Variants in PAPSS2 observed in about 807,000 individuals in gnomAD.
PAPSS2 encodes the protein bifunctional 3'-phosphoadenosine 5'-phosphosulfate synthase 2.
A neutral mutation model predicts 66.5 loss-of-function variants in PAPSS2; 61 were observed. The observed-to-expected ratio is 0.92, with a 90% CI of 0.75 to 1.14. PAPSS2 has a LOEUF of 1.14. Ranked by LOEUF, PAPSS2 falls within the 50% of genes most tolerant of loss-of-function variation. PAPSS2 has a pLI of 0.00. For synonymous variants in PAPSS2, 289 were observed against 287.5 expected, an observed-to-expected ratio of 1.01 and a Z score of -0.05; for missense variants, 708 against 789.6, an observed-to-expected ratio of 0.90 and a Z score of 1.24.
At chr10:87,671,662 C>G (rs1454645184) in intron 1 of PAPSS2, among the ~76,000 whole-genome samples, 2 of 152,182 alleles carry the variant, frequency 1.3e-5, no homozygotes, top group Non-Finnish European at 2.9e-5. Flanking sequence ...TCTGGATGTA[C>G]TAGAGGTTTC....
At chr10:87,662,884 T>C (rs7393525) in intron 1 of PAPSS2, among the ~76,000 whole-genome samples, 2 of 151,856 alleles carry the variant, frequency 1.3e-5, no homozygotes, top group Non-Finnish European at 2.9e-5. Context: ...TTCTTTCTTT[T>C]TTTTTTTGAG....
At chr10:87,687,574 C>T (rs546044743) in intron 1 of PAPSS2, among the ~76,000 whole-genome samples, 5 of 151,938 alleles carry the variant, frequency 3.3e-5, no homozygotes, top group South Asian at 2.1e-4. Flanking sequence ...AGGCTGGTAA[C>T]GATAGAAGGG....
At chr10:87,709,363 T>A (rs771598027) in intron 2 of PAPSS2, 50 bp downstream of exon 2, 11 of 1,106,822 alleles carry the variant, frequency 9.9e-6, no homozygotes, top group Non-Finnish European at 1.5e-5. Context: ...CAAACTGACA[T>A]GTGACACAAT....
intron 1 of PAPSS2, among the ~76,000 whole-genome samples, chr10:87,708,490 T>C (rs61855160): frequency 0.086 from 13,084 of 152,188 alleles, 1,347 homozygotes; most frequent in East Asian, 0.48. Context: ...TCTGGCTCTA[T>C]AGGGACTGGG....
At chr10:87,714,447 G>T (rs1254565289) in intron 4 of PAPSS2, among the ~76,000 whole-genome samples, 1 of 152,178 alleles carries the variant, frequency 6.6e-6, no homozygotes, top group African/African-American at 2.4e-5. Flanking sequence ...GTGTGTGTGT[G>T]TAGAGGAGTG....
intron 1 of PAPSS2, among the ~76,000 whole-genome samples, chr10:87,678,243 C>T (rs1023735224): frequency 6.6e-6 from 1 of 151,994 alleles, no homozygotes; most frequent in Admixed American, 6.5e-5. Flanking sequence ...ACGATCCATA[C>T]ACAGAAGATT....
At chr10:87,697,368 G>C (rs1397917896) in intron 1 of PAPSS2, among the ~76,000 whole-genome samples, 1 of 152,200 alleles carries the variant, frequency 6.6e-6, no homozygotes, top group Non-Finnish European at 1.5e-5. Context: ...CCTGGCACCT[G>C]GGTTCACTCG....
intron 8 of PAPSS2, among the ~76,000 whole-genome samples, chr10:87,724,689 ATCTC>A (rs994550621): frequency 2.7e-5 from 4 of 148,148 alleles, no homozygotes; most frequent in Non-Finnish European, 5.9e-5. Context: ...ATGGAGCCTT[ATCTC>A]TCTATGTATT....
At chr10:87,702,532 G>A (rs1476379781) in intron 1 of PAPSS2, among the ~76,000 whole-genome samples, 1 of 152,154 alleles carries the variant, frequency 6.6e-6, no homozygotes, top group Non-Finnish European at 1.5e-5. Context: ...TGCACACTGA[G>A]GAGCGGGAAG....
intron 1 of PAPSS2, among the ~76,000 whole-genome samples, chr10:87,673,288 A>C (rs1852902488): frequency 6.6e-6 from 1 of 152,162 alleles, no homozygotes; most frequent in Admixed American, 6.5e-5. Flanking sequence ...ATTATTTATT[A>C]ATTAGAACAT....
chr10:87,745,822 C>G lies in PAPSS2; in HGVS notation c.1722-10C>G. On this transcript the variant is annotated splice_polypyrimidine_tract_variant and intron_variant, in intron 12 of 12. Transcript: ENST00000456849. ...CCTACACTGAGTTCTTTGTTGCCAC[C>G]CTGTAACAGGCACAATGAGTTTGAC... 1.2e-6 allele frequency: 2 copies of G among 1,613,894 alleles called. No individual in the cohort carries two copies. Among genetic ancestry groups the G allele is most frequent in the Non-Finnish European group, 1.7e-6 (2 of 1,179,880 alleles).
intron 7 of PAPSS2, among the ~76,000 whole-genome samples, chr10:87,720,873 C>A (rs1485619076): frequency 6.6e-6 from 1 of 152,130 alleles, no homozygotes; most frequent in Non-Finnish European, 1.5e-5. Context: ...TTATTTCTCA[C>A]TAGAAGTATA....
intron 8 of PAPSS2, among the ~76,000 whole-genome samples, chr10:87,724,998 C>G (rs892565042): frequency 1.3e-5 from 2 of 151,894 alleles, no homozygotes; most frequent in African/African-American, 4.8e-5. Flanking sequence ...CACAGGCGGT[C>G]TGCTGGCATA....
chr10:87,715,815 G>T lies in PAPSS2; in HGVS notation c.837G>T (p.Gln279His). The T allele has an allele frequency of 6.2e-7, 1 of 1,610,386 alleles. No individual in the cohort carries two copies. The highest frequency in any genetic ancestry group is 8.5e-7 in the Non-Finnish European group (1 of 1,176,692). The change falls in exon 7 of 13, where the codon CAG becomes CAT. Residue 279 changes from glutamine to histidine, a missense_variant. Gln to His is a conservative substitution (Grantham distance 24, BLOSUM62 0). Transcript: ENST00000456849. Reference sequence around the variant, plus strand: ...TCATGCGGGAGAAGGAGTACTTACAGGTTATGCACTTTGACACCCTGCTAG... The same window carrying T: ...TCATGCGGGAGAAGGAGTACTTACATGTTATGCACTTTGACACCCTGCTAG... The part of the protein sequence containing the change: ...KGFMREKEYL[Q>H]VMHFDTLLDG...
chr10:87,718,173 G>T (rs1385784380), intron 7 of PAPSS2, among the ~76,000 whole-genome samples: 1 of 152,006 alleles, frequency 6.6e-6, no homozygotes, highest in East Asian at 1.9e-4. Flanking sequence ...AGGACTACAG[G>T]TGCATGCCAC....
chr10:87,699,847 C>T (rs979225820), intron 1 of PAPSS2, among the ~76,000 whole-genome samples: 3 of 151,032 alleles, frequency 2.0e-5, no homozygotes, highest in African/African-American at 4.9e-5. Context: ...CTATTTTGGC[C>T]TCTCCATTTT....
chr10:87,710,648 C>G (rs1330920666), intron 2 of PAPSS2, among the ~76,000 whole-genome samples: 1 of 152,192 alleles, frequency 6.6e-6, no homozygotes, highest in Non-Finnish European at 1.5e-5. Flanking sequence ...CTTTCTCCTT[C>G]TTTACTCTTA....
chr10:87,711,366 G>A (rs1275348221), intron 2 of PAPSS2, among the ~76,000 whole-genome samples: 2 of 152,228 alleles, frequency 1.3e-5, no homozygotes, highest in African/African-American at 2.4e-5. Flanking sequence ...ATGAAAGTAC[G>A]TGTGCCAACA....
chr10:87,743,684 G>A lies in PAPSS2; in HGVS notation c.1491+43G>A, dbSNP rs771804512. 9.3e-6 allele frequency: 15 copies of A among 1,610,764 alleles called. No individual in the cohort carries two copies. In the South Asian group the frequency reaches 1.5e-4, roughly 17 times the overall value. On this transcript the variant is annotated intron_variant, in intron 11 of 12. Transcript: ENST00000456849. ...CTGGGCTTTGAGACTCAGGAATTCA[G>A]ACTCAGACTTTACATAGAAGAGTAA...
Sources: allele counts gnomAD v4.1 joint callset (sites outside exome capture counted in the v4.1 genomes callset), GRCh38; gene constraint gnomAD v4.1.1; transcripts MANE v1.5; gene names NCBI Gene and HGNC (gene_info 2026-07-23, HGNC 2026-07-21).